CNTNAP2: variants seen among roughly 807,000 people sequenced by gnomAD.
CNTNAP2 encodes contactin-associated protein-like 2.
A neutral mutation model predicts 155.2 loss-of-function variants in CNTNAP2; 98 were observed. The ratio of observed to expected loss-of-function variants is 0.63; its 90% CI spans 0.54 to 0.75. The LOEUF (loss-of-function observed/expected upper bound fraction) is 0.75. CNTNAP2 is among the 30% of genes least tolerant of loss of function. The pLI, the probability that CNTNAP2 is intolerant of heterozygous loss-of-function variation, is 0.00. For synonymous variants in CNTNAP2, 651 were observed against 631.2 expected, an observed-to-expected ratio of 1.03 and a Z score of -0.47; for missense variants, 1,727 against 1,688.1, an observed-to-expected ratio of 1.02 and a Z score of -0.40.
chr7:147,627,631 G>A (rs1422338215), intron 12 of CNTNAP2, among the ~76,000 whole-genome samples: 1 of 148,436 alleles, frequency 6.7e-6, no homozygotes, highest in Non-Finnish European at 1.5e-5. Flanking sequence ...GGCGGAGGTT[G>A]CAGTGAGCCG....
At chr7:147,147,033 G>T (rs554159263) in intron 8 of CNTNAP2, among the ~76,000 whole-genome samples, 2 of 152,140 alleles carry the variant, frequency 1.3e-5, no homozygotes, top group Non-Finnish European at 2.9e-5. Context: ...AATTCATAAA[G>T]AAAAGAGGTT....
intron 2 of CNTNAP2, among the ~76,000 whole-genome samples, chr7:146,777,015 G>T (rs1190608718): frequency 6.6e-6 from 1 of 152,076 alleles, no homozygotes; most frequent in Non-Finnish European, 1.5e-5. Context: ...GGTAGATAGA[G>T]AGAAATAGAA....
chr7:148,412,478 AT>A lies in CNTNAP2; in HGVS notation c.3797-2936del, dbSNP rs756570081. Among the ~76,000 whole-genome samples, 6 of 152,342 alleles carry A rather than the reference AT, an allele frequency of 3.9e-5. No homozygotes were observed. In the East Asian group the frequency reaches 1.2e-3, roughly 29 times the overall value. On this transcript the variant is annotated intron_variant, in intron 23 of 23. Transcript: ENST00000361727. The stretch of plus-strand genomic sequence containing the variant: ...AATGCGAAGTCTTGAACAGCTTACT[AT>A]TTCATTAATTTCATTTTCTAAGTGT...
intron 1 of CNTNAP2, among the ~76,000 whole-genome samples, chr7:146,296,583 G>A (rs1414696816): frequency 6.6e-6 from 1 of 152,150 alleles, no homozygotes; most frequent in Non-Finnish European, 1.5e-5. Flanking sequence ...CTATCATGAT[G>A]TTAAGGGAAA....
chr7:147,492,256 A>G (rs985802417), intron 11 of CNTNAP2, among the ~76,000 whole-genome samples: 3 of 152,156 alleles, frequency 2.0e-5, no homozygotes, highest in Admixed American at 2.0e-4. Context: ...AGGTTTCAGG[A>G]TCCTATGAGA....
chr7:146,491,420 T>C (rs1447613249), intron 1 of CNTNAP2, among the ~76,000 whole-genome samples: 1 of 152,138 alleles, frequency 6.6e-6, no homozygotes, highest in Non-Finnish European at 1.5e-5. Flanking sequence ...AATCAGAAAG[T>C]AAGTTTTATT....
chr7:146,420,911 CA>C (rs1796002485), intron 1 of CNTNAP2, among the ~76,000 whole-genome samples: 1 of 151,992 alleles, frequency 6.6e-6, no homozygotes. Context: ...AAAAGTTATG[CA>C]AGCTTTCACA....
chr7:147,588,341 C>T (rs983584530), intron 12 of CNTNAP2, among the ~76,000 whole-genome samples: 5 of 152,146 alleles, frequency 3.3e-5, no homozygotes, highest in Admixed American at 6.6e-5. Context: ...TCAGCTAGAA[C>T]CAGATTGCTG....
chr7:146,279,793 AT>A (rs1249242242), intron 1 of CNTNAP2, among the ~76,000 whole-genome samples: 1 of 151,796 alleles, frequency 6.6e-6, no homozygotes, highest in Non-Finnish European at 1.5e-5. Flanking sequence ...CTTTTAAAAA[AT>A]AATATGCATA....
intron 9 of CNTNAP2, among the ~76,000 whole-genome samples, chr7:147,309,067 CTG>C (rs1795079087): frequency 1.3e-5 from 2 of 152,134 alleles, no homozygotes; most frequent in Non-Finnish European, 2.9e-5. Context: ...TACCACCTAA[CTG>C]TAATCTTTTC....
At chr7:146,449,570 T>C (rs1796448168) in intron 1 of CNTNAP2, among the ~76,000 whole-genome samples, 1 of 152,160 alleles carries the variant, frequency 6.6e-6, no homozygotes, top group Admixed American at 6.5e-5. Context: ...ACAGAAAGAA[T>C]AGAGAAATTA....
At chr7:147,002,606 A>G (rs562562024) in intron 3 of CNTNAP2, among the ~76,000 whole-genome samples, 4 of 152,154 alleles carry the variant, frequency 2.6e-5, no homozygotes, top group South Asian at 2.1e-4. Flanking sequence ...TGCTATAACA[A>G]AATACCATAA....
At chr7:147,240,288 G>A (rs1299697106) in intron 8 of CNTNAP2, among the ~76,000 whole-genome samples, 5 of 152,144 alleles carry the variant, frequency 3.3e-5, no homozygotes, top group South Asian at 4.1e-4. Context: ...TTGTGCCACC[G>A]CACTCCAGCT....
intron 3 of CNTNAP2, among the ~76,000 whole-genome samples, chr7:146,935,637 A>C (rs1796899180): frequency 6.6e-6 from 1 of 152,218 alleles, no homozygotes; most frequent in African/African-American, 2.4e-5. Context: ...ATTACACAGC[A>C]GATTTTAAAT....
chr7:148,176,487 G>A (rs1197002285), intron 18 of CNTNAP2, among the ~76,000 whole-genome samples: 2 of 152,078 alleles, frequency 1.3e-5, no homozygotes, highest in South Asian at 4.2e-4. Flanking sequence ...CCAAAGTGCT[G>A]GGATTACAGG....
intron 1 of CNTNAP2, among the ~76,000 whole-genome samples, chr7:146,170,018 C>CTT (rs71175637): frequency 0.12 from 14,790 of 126,862 alleles, 1,080 homozygotes; most frequent in Non-Finnish European, 0.16. Flanking sequence ...CCTTTCTTTT[C>CTT]TTTTTTTTTT....
chr7:148,313,125 A>G (rs1797624310), intron 21 of CNTNAP2, among the ~76,000 whole-genome samples: 2 of 151,648 alleles, frequency 1.3e-5, no homozygotes, highest in South Asian at 4.2e-4. Flanking sequence ...GAGGTTTAGA[A>G]GCCTGGCCAT....
At chr7:147,455,565 TA>T (rs1797905193) in intron 10 of CNTNAP2, among the ~76,000 whole-genome samples, 1 of 152,082 alleles carries the variant, frequency 6.6e-6, no homozygotes, top group South Asian at 2.1e-4. Flanking sequence ...GAAGCTAGAA[TA>T]ACATTATGAG....
At chr7:146,604,407 TAA>T (rs1799006802) in intron 1 of CNTNAP2, among the ~76,000 whole-genome samples, 1 of 137,410 alleles carries the variant, frequency 7.3e-6, no homozygotes, top group Non-Finnish European at 1.6e-5. Flanking sequence ...TGGCAATCAT[TAA>T]AAAGTCAGGA....
Sources: allele counts gnomAD v4.1 joint callset (sites outside exome capture counted in the v4.1 genomes callset), GRCh38; gene constraint gnomAD v4.1.1; transcripts MANE v1.5; gene names NCBI Gene and HGNC (gene_info 2026-07-23, HGNC 2026-07-21).